GRIP1: variants seen among roughly 807,000 people sequenced by gnomAD.
GRIP1 encodes the protein glutamate receptor interacting protein 1, also known as glutamate receptor-interacting protein 1.
A neutral mutation model predicts 129.9 loss-of-function variants in GRIP1; 45 were observed. The observed-to-expected ratio is 0.35, with a 90% confidence interval of 0.27 to 0.44. GRIP1 has a LOEUF of 0.44. Among genes scored for constraint, GRIP1 ranks in the 20% least tolerant of loss-of-function variants. The pLI, the probability that GRIP1 is intolerant of heterozygous loss-of-function variation, is 1.00. For synonymous variants in GRIP1, 530 were observed against 520.8 expected (o/e 1.02, Z -0.24); for missense variants, 1,196 against 1,396.8 (o/e 0.86, Z 2.29).
intron 2 of GRIP1, among the ~76,000 whole-genome samples, chr12:66,595,202 C>G (rs1490102473): frequency 6.6e-6 from 1 of 152,078 alleles, no homozygotes; most frequent in Non-Finnish European, 1.5e-5. Flanking sequence ...ATTCCAGTGA[C>G]TTTTAAATCT....
At chr12:67,067,232 A>G (rs556308319) in intron 1 of GRIP1, among the ~76,000 whole-genome samples, 5 of 152,170 alleles carry the variant, frequency 3.3e-5, no homozygotes, top group African/African-American at 1.2e-4. Flanking sequence ...AGCAGATTAG[A>G]CAATCATCTT....
chr12:66,505,719 G>T (rs915982879), intron 7 of GRIP1, among the ~76,000 whole-genome samples: 1 of 152,064 alleles, frequency 6.6e-6, no homozygotes, highest in Admixed American at 6.6e-5. Flanking sequence ...TAACCCAAAA[G>T]TTTGTTGGAA....
chr12:66,675,895 G>A (rs1265736354), intron 1 of GRIP1, among the ~76,000 whole-genome samples: 1 of 152,090 alleles, frequency 6.6e-6, no homozygotes, highest in Non-Finnish European at 1.5e-5. Context: ...TACATTGGTA[G>A]GTACCTGATA....
chr12:66,933,268 C>G (rs1348425885), intron 1 of GRIP1, among the ~76,000 whole-genome samples: 1 of 152,136 alleles, frequency 6.6e-6, no homozygotes, highest in Non-Finnish European at 1.5e-5. Flanking sequence ...CCCAGAGGAG[C>G]TGCATAGAGG....
chr12:67,050,271 C>G (rs187058256), intron 1 of GRIP1, among the ~76,000 whole-genome samples: 1 of 152,210 alleles, frequency 6.6e-6, no homozygotes, highest in African/African-American at 2.4e-5. Context: ...GAAATTCCTT[C>G]TTTGCCCTAA....
At chr12:66,351,133 C>A (rs1238756055) in intron 24 of GRIP1, among the ~76,000 whole-genome samples, 3 of 152,218 alleles carry the variant, frequency 2.0e-5, no homozygotes, top group Non-Finnish European at 4.4e-5. Flanking sequence ...TAGTAAAAAT[C>A]ATCACCAGAA....
chr12:66,377,694 T>C (rs371918583), intron 20 of GRIP1, among the ~76,000 whole-genome samples: 1 of 145,620 alleles, frequency 6.9e-6, no homozygotes, highest in Admixed American at 7.0e-5. Context: ...ACACGAAATA[T>C]AGAAAGAGAG....
chr12:66,987,917 C>T (rs540190249), intron 1 of GRIP1, among the ~76,000 whole-genome samples: 4 of 152,328 alleles, frequency 2.6e-5, no homozygotes, highest in South Asian at 4.1e-4. Flanking sequence ...GGAATGAACG[C>T]TTCCCCTTCC....
chr12:66,769,056 T>C (rs554274269), intron 1 of GRIP1, among the ~76,000 whole-genome samples: 11 of 152,280 alleles, frequency 7.2e-5, no homozygotes, highest in African/African-American at 2.6e-4. Context: ...TCTGGAGCTC[T>C]GTTGAAGAGC....
intron 1 of GRIP1, among the ~76,000 whole-genome samples, chr12:66,632,190 C>T (rs922850074): frequency 6.6e-6 from 1 of 152,140 alleles, no homozygotes; most frequent in Non-Finnish European, 1.5e-5. Context: ...TATAATGAGA[C>T]TGGTGGAAGT....
chr12:66,828,070 G>T (rs2039450336), intron 1 of GRIP1, among the ~76,000 whole-genome samples: 1 of 152,070 alleles, frequency 6.6e-6, no homozygotes, highest in Non-Finnish European at 1.5e-5. Flanking sequence ...CATGCCTCAG[G>T]GTCCAAAATG....
chr12:66,436,242 A>C (rs2058298873), intron 13 of GRIP1, among the ~76,000 whole-genome samples: 1 of 152,254 alleles, frequency 6.6e-6, no homozygotes, highest in Admixed American at 6.5e-5. Flanking sequence ...GTAAGATAAC[A>C]ACCACACCGT....
chr12:66,364,265 C>CAAAAAAAAAAAAAAAAA (rs1159887365), intron 23 of GRIP1, among the ~76,000 whole-genome samples: 7 of 16,348 alleles, frequency 4.3e-4, no homozygotes, highest in African/African-American at 7.3e-4. Flanking sequence ...GACTCCATCT[C>CAAAAAAAAAAAAAAAAA]AAAAAAAAAA....
chr12:66,917,693 A>C (rs866364353), intron 1 of GRIP1, among the ~76,000 whole-genome samples: 1 of 152,224 alleles, frequency 6.6e-6, no homozygotes, highest in African/African-American at 2.4e-5. Context: ...AGACATTTAA[A>C]GAATGTTCTG....
rs79890509 is a variant in GRIP1 at position 66,469,992 on chromosome 12, C to T, written c.725-4570G>A. Among the ~76,000 whole-genome samples the T allele has an allele frequency of 3.7e-3, 567 of 152,248 alleles. 7 individuals are homozygous for T. Among genetic ancestry groups the T allele is most frequent in the African/African-American group, 0.013 (528 of 41,554 alleles). On this transcript the variant is annotated intron_variant, in intron 7 of 24. Transcript: ENST00000359742. ...GAGCCATCCCTGGCTCCATCTTCTCCCAGATCCTTATAAATTCCTCTTGAT... is the reference window on the plus strand; with the variant it reads ...GAGCCATCCCTGGCTCCATCTTCTCTCAGATCCTTATAAATTCCTCTTGAT...
chr12:66,455,127 T>C (rs929920044), intron 11 of GRIP1, among the ~76,000 whole-genome samples: 3 of 152,176 alleles, frequency 2.0e-5, no homozygotes, highest in Non-Finnish European at 4.4e-5. Context: ...GGGTATGTTA[T>C]GACATCAAAA....
intron 1 of GRIP1, among the ~76,000 whole-genome samples, chr12:66,914,951 C>G (rs1197231504): frequency 6.6e-6 from 1 of 152,024 alleles, no homozygotes; most frequent in East Asian, 1.9e-4. Context: ...ACAGAGTGAC[C>G]CCGCCTCCCC....
chr12:66,386,138 G>A (rs1443355382), intron 19 of GRIP1, among the ~76,000 whole-genome samples: 1 of 152,164 alleles, frequency 6.6e-6, no homozygotes, highest in Non-Finnish European at 1.5e-5. Context: ...AGGTATTTCT[G>A]AAAGTAGATG....
intron 1 of GRIP1, among the ~76,000 whole-genome samples, chr12:66,611,192 A>T (rs2064778549): frequency 6.6e-6 from 1 of 152,140 alleles, no homozygotes; most frequent in South Asian, 2.1e-4. Context: ...GTAAACAGAG[A>T]TCATAAGCCT....
Sources: gnomAD v4.1 joint callset for allele counts (sites outside exome capture counted in the v4.1 genomes callset) on GRCh38, gnomAD v4.1.1 for gene constraint, MANE v1.5 for transcripts, NCBI Gene and HGNC (gene_info 2026-07-23, HGNC 2026-07-21) for gene names.